SUGCT: variants seen among roughly 807,000 people sequenced by gnomAD.
SUGCT encodes the protein succinyl-CoA:glutarate-CoA transferase, also known as succinyl-CoA:glutarate CoA-transferase.
Under a neutral mutation model 55.0 loss-of-function variants are expected in SUGCT, and 41 were observed. The observed-to-expected ratio is 0.74, with a 90% CI of 0.58 to 0.97. The LOEUF is 0.97. Among genes scored for constraint, SUGCT ranks in the 50% least tolerant of loss-of-function variants. The pLI, the probability that SUGCT is intolerant of heterozygous loss-of-function variation, is 0.00. For synonymous variants in SUGCT, 187 were observed against 200.4 expected (o/e 0.93, Z 0.56); for missense variants, 568 against 547.8 (o/e 1.04, Z -0.37).
chr7:40,935,838 C>A, the SUGCT span, among the ~76,000 whole-genome samples: 2 of 152,152 alleles, frequency 1.3e-5, no homozygotes, highest in Non-Finnish European at 2.9e-5. Context: ...TCCAAACAGG[C>A]TGTACCATTT....
chr7:40,572,371 T>C (rs925911352), intron 12 of SUGCT, among the ~76,000 whole-genome samples: 2 of 152,148 alleles, frequency 1.3e-5, no homozygotes, highest in African/African-American at 2.4e-5. Context: ...AATTCATTCC[T>C]AGAAATATTT....
intron 12 of SUGCT, among the ~76,000 whole-genome samples, chr7:40,644,259 C>T (rs1800395455): frequency 6.6e-6 from 1 of 152,192 alleles, no homozygotes; most frequent in Non-Finnish European, 1.5e-5. Context: ...CACCCTGTCT[C>T]CTGATCTTGA....
chr7:40,958,326 A>G, the SUGCT span, among the ~76,000 whole-genome samples: 1 of 152,056 alleles, frequency 6.6e-6, no homozygotes, highest in African/African-American at 2.4e-5. Context: ...GTCTCCTCAC[A>G]TAGTCCCGTA....
chr7:40,151,032 T>C (rs1788540586), intron 1 of SUGCT, among the ~76,000 whole-genome samples: 1 of 152,012 alleles, frequency 6.6e-6, no homozygotes, highest in South Asian at 2.1e-4. Flanking sequence ...ATCAGGAGAT[T>C]GAGACCTTGC....
At chr7:41,023,068 T>C in the SUGCT span, among the ~76,000 whole-genome samples, 21 of 152,310 alleles carry the variant, frequency 1.4e-4, no homozygotes, top group Non-Finnish European at 2.8e-4. Flanking sequence ...TGATGTGAGC[T>C]GAAGTGGTGT....
chr7:40,792,506 A>G (rs1790361497), intron 13 of SUGCT, among the ~76,000 whole-genome samples: 1 of 152,148 alleles, frequency 6.6e-6, no homozygotes, highest in African/African-American at 2.4e-5. Flanking sequence ...CTGATTCCGT[A>G]TTGACCAGCA....
the SUGCT span, among the ~76,000 whole-genome samples, chr7:40,991,352 A>C: frequency 1.1e-4 from 16 of 152,212 alleles, no homozygotes; most frequent in Admixed American, 5.2e-4. Flanking sequence ...CAATAGTAAC[A>C]TCAAAGATCA....
the SUGCT span, among the ~76,000 whole-genome samples, chr7:40,930,905 C>T: frequency 1.3e-5 from 2 of 152,104 alleles, no homozygotes; most frequent in African/African-American, 4.8e-5. Flanking sequence ...TAAATGAATG[C>T]ACTTTATTTC....
At chr7:40,172,596 A>T (rs545942831) in intron 1 of SUGCT, among the ~76,000 whole-genome samples, 2 of 152,188 alleles carry the variant, frequency 1.3e-5, no homozygotes, top group South Asian at 4.2e-4. Flanking sequence ...CATGATCAGG[A>T]CCCAGGACGT....
At chr7:40,550,598 A>G (rs959636247) in intron 12 of SUGCT, among the ~76,000 whole-genome samples, 7 of 152,258 alleles carry the variant, frequency 4.6e-5, no homozygotes, top group African/African-American at 1.7e-4. Context: ...ACTTATAACC[A>G]AAAGCATTTA....
At chr7:40,219,896 G>T (rs1787928829) in intron 6 of SUGCT, among the ~76,000 whole-genome samples, 3 of 151,902 alleles carry the variant, frequency 2.0e-5, no homozygotes, top group African/African-American at 7.3e-5. Context: ...CTTATAACAA[G>T]TGTCAATTAA....
chr7:40,808,890 G>C (rs1203441329), intron 13 of SUGCT, among the ~76,000 whole-genome samples: 2 of 152,130 alleles, frequency 1.3e-5, no homozygotes, highest in East Asian at 3.9e-4. Flanking sequence ...GTCTCCAGGA[G>C]TCATATATTT....
chr7:40,457,328 C>T (rs1789542715), intron 10 of SUGCT, among the ~76,000 whole-genome samples: 1 of 152,040 alleles, frequency 6.6e-6, no homozygotes, highest in Non-Finnish European at 1.5e-5. Flanking sequence ...CCTGTAATCG[C>T]AGCTACTCAG....
At chr7:40,243,808 A>T (rs1436339909) in intron 7 of SUGCT, among the ~76,000 whole-genome samples, 2 of 152,212 alleles carry the variant, frequency 1.3e-5, no homozygotes, top group Non-Finnish European at 2.9e-5. Flanking sequence ...ATTTAAAAAA[A>T]CTTAATAACA....
At chr7:40,284,290 T>C (rs1488529460) in intron 8 of SUGCT, among the ~76,000 whole-genome samples, 1 of 152,044 alleles carries the variant, frequency 6.6e-6, no homozygotes, top group African/African-American at 2.4e-5. Context: ...TCTTAAATGT[T>C]CTTATCATTA....
intron 11 of SUGCT, among the ~76,000 whole-genome samples, chr7:40,483,310 C>G (rs1791155984): frequency 6.6e-6 from 1 of 152,082 alleles, no homozygotes; most frequent in South Asian, 2.1e-4. Flanking sequence ...AGTTTTTGTT[C>G]CTAAAAACTT....
chr7:40,684,192 A>G (rs1189676509), intron 12 of SUGCT: 5 of 1,516,066 alleles, frequency 3.3e-6, no homozygotes, highest in Non-Finnish European at 4.4e-6. Context: ...AGGATAATCC[A>G]GGATAATTTC....
At chr7:40,461,515 A>C (rs1217838392) in intron 11 of SUGCT, among the ~76,000 whole-genome samples, 1 of 152,174 alleles carries the variant, frequency 6.6e-6, no homozygotes, top group Non-Finnish European at 1.5e-5. Flanking sequence ...TCATGCTTCA[A>C]GGCCAGTTCT....
intron 8 of SUGCT, 104 bp from the exon 9 acceptor site, chr7:40,316,656 C>T (rs1262509517): frequency 8.6e-6 from 6 of 698,236 alleles, no homozygotes; most frequent in African/African-American, 1.8e-5. Flanking sequence ...TTTTTTTCTT[C>T]TACAATGAGA....
Sources: gnomAD v4.1 joint callset for allele counts (sites outside exome capture counted in the v4.1 genomes callset) on GRCh38, gnomAD v4.1.1 for gene constraint, MANE v1.5 for transcripts, NCBI Gene and HGNC (gene_info 2026-07-23, HGNC 2026-07-21) for gene names.